The following PCDHGA2 variants were observed in gnomAD, a reference collection of about 807,000 sequenced individuals.
PCDHGA2 encodes protocadherin gamma-A2.
PCDHGA2 carries 40 observed loss-of-function variants against 59.2 expected under a neutral mutation model. The ratio of observed to expected loss-of-function variants is 0.68; its 90% CI spans 0.52 to 0.88. The LOEUF (loss-of-function observed/expected upper bound fraction) is 0.88. Ranked by LOEUF, PCDHGA2 falls within the 40% of genes least tolerant of loss-of-function variation. The pLI, the probability that PCDHGA2 is intolerant of heterozygous loss-of-function variation, is 0.00. For synonymous variants in PCDHGA2, 560 were observed against 526.0 expected (o/e 1.06, Z -0.89); for missense variants, 1,226 against 1,204.0 (o/e 1.02, Z -0.27).
chr5:141,356,812 G>A (rs1236993988), intron 1 of PCDHGA2: 1 of 1,614,068 alleles, frequency 6.2e-7, no homozygotes, highest in Non-Finnish European at 8.5e-7. Context: ...CAGTGACAGT[G>A]GAGACCCTCC....
intron 1 of PCDHGA2, among the ~76,000 whole-genome samples, chr5:141,469,375 G>C (rs942714664): frequency 2.0e-5 from 3 of 152,076 alleles, no homozygotes; most frequent in African/African-American, 7.2e-5. Flanking sequence ...AAGAGATCGA[G>C]ACCATCCTGG....
chr5:141,414,644 A>C lies in PCDHGA2; in HGVS notation c.2424+73249A>C, dbSNP rs1310121141. 6.2e-7 allele frequency: 1 copy of C among 1,613,982 alleles called. No individual in the cohort carries two copies. Among genetic ancestry groups the C allele is most frequent in the Non-Finnish European group, 8.5e-7 (1 of 1,179,894 alleles). ...GACCCGGACAGCAAAGAGAATGCCC[A>C]GATTATTTACTCCCTGGCTGAAGAC... On this transcript the variant is annotated intron_variant, in intron 1 of 3. Transcript: ENST00000394576.
intron 1 of PCDHGA2, among the ~76,000 whole-genome samples, chr5:141,466,534 T>C (rs1343781541): frequency 6.6e-6 from 1 of 152,214 alleles, no homozygotes; most frequent in Non-Finnish European, 1.5e-5. Flanking sequence ...CAAATTGATG[T>C]AGATGGTCTT....
Position 141,490,148 on chromosome 5 carries a change from A to T in PCDHGA2, c.2425-4659A>T. On this transcript the variant is annotated intron_variant, in intron 1 of 3. Transcript: ENST00000394576. This position sits in a 1 kb window ranked among gnomAD's most constrained non-coding sequence, Gnocchi z 5.4. The stretch of plus-strand genomic sequence containing the variant: ...CTAGACCCTAGCAGTGGGGCAATCC[A>T]TGTGTTGGGTCCCATAGACTTTGAG... The T allele has an allele frequency of 6.2e-7, 1 of 1,614,232 alleles. No homozygotes were observed. The highest frequency in any genetic ancestry group is 1.3e-5 in the African/African-American group (1 of 75,068).
chr5:141,431,411 G>A lies in PCDHGA2; in HGVS notation c.2425-63396G>A. On this transcript the variant is annotated intron_variant, in intron 1 of 3. Coordinates refer to ENST00000394576, the MANE Select transcript of PCDHGA2 (RefSeq NM_018915.4). This position sits in a 1 kb window ranked among gnomAD's most constrained non-coding sequence, Gnocchi z 4.8. ...CCTGGTCCTTACGGCCTCCGACGGG[G>A]GCGACCCGGTGCGCACAGGCACCGC... 3 of 1,613,728 alleles carry A rather than the reference G, an allele frequency of 1.9e-6. No individual in the cohort carries two copies. The highest frequency in any genetic ancestry group is 2.5e-6 in the Non-Finnish European group (3 of 1,180,038).
chr5:141,479,733 A>G (rs2099504879), intron 1 of PCDHGA2: 1 of 152,254 alleles, frequency 6.6e-6, no homozygotes, highest in Admixed American at 6.5e-5. Context: ...TTTCTTAAGT[A>G]TATGCACAAT....
At chr5:141,505,559 G>A (rs1215110084) in intron 3 of PCDHGA2, 78 bp downstream of exon 3, 27 of 1,604,592 alleles carry the variant, frequency 1.7e-5, no homozygotes, top group Non-Finnish European at 2.0e-5. Flanking sequence ...CCATGCCCAC[G>A]GACTGGATGT....
intron 2 of PCDHGA2, among the ~76,000 whole-genome samples, chr5:141,499,192 C>T (rs1048812227): frequency 1.1e-4 from 17 of 152,106 alleles, no homozygotes; most frequent in South Asian, 2.1e-4. Flanking sequence ...CCATTTCCCC[C>T]TTCTTAGGCT....
chr5:141,484,716 G>C (rs1375103858), intron 1 of PCDHGA2, among the ~76,000 whole-genome samples: 1 of 152,030 alleles, frequency 6.6e-6, no homozygotes, highest in African/African-American at 2.4e-5. Context: ...CGCCGAAAAG[G>C]GGCGGGGTCA....
chr5:141,441,887 A>G, intron 1 of PCDHGA2: 1 of 344,596 alleles, frequency 2.9e-6, no homozygotes, highest in African/African-American at 2.2e-5. Context: ...CTGGTCACCA[A>G]GGTGGTGGCT....
intron 1 of PCDHGA2, chr5:141,383,917 G>A: frequency 6.2e-7 from 1 of 1,613,928 alleles, no homozygotes; most frequent in Non-Finnish European, 8.5e-7. Flanking sequence ...AGTTTTAGAT[G>A]TAAATGATAA....
At chr5:141,369,327 T>G (rs1766164391) in intron 1 of PCDHGA2, among the ~76,000 whole-genome samples, 1 of 152,160 alleles carries the variant, frequency 6.6e-6, no homozygotes, top group African/African-American at 2.4e-5. Context: ...GAAGAAACAG[T>G]ACATTTCAGG....
At chr5:141,343,927 C>A in intron 1 of PCDHGA2, 1 of 1,040,854 alleles carries the variant, frequency 9.6e-7, no homozygotes, top group Non-Finnish European at 1.4e-6. Context: ...AGCTGTTTGA[C>A]CTGTGAATTA....
rs770808281 is a variant in PCDHGA2, at chr5:141,375,056, C to T, written c.2424+33661C>T. The T allele has an allele frequency of 1.9e-6, 3 of 1,613,848 alleles. No individual in the cohort carries two copies. The East Asian group carries it at 6.7e-5, about 36-fold the overall frequency. On this transcript the variant is annotated intron_variant, in intron 1 of 3. Transcript: ENST00000394576. ...GCTGGGTGTTGAAGCCCGGGATGGG[C>T]CAGGTCTTCGAGACAGAGCGAAAGT...
chr5:141,361,239 G>C (rs555666915), intron 1 of PCDHGA2: 8 of 1,613,958 alleles, frequency 5.0e-6, no homozygotes, highest in Non-Finnish European at 5.1e-6. Flanking sequence ...TGATCGCCTT[G>C]ATAAAAACGA....
intron 1 of PCDHGA2, chr5:141,393,417 A>G (rs2092754726): frequency 6.2e-6 from 10 of 1,614,032 alleles, no homozygotes; most frequent in Non-Finnish European, 8.5e-6. Flanking sequence ...CGCCCTGGAC[A>G]GGGAGGAAGA....
intron 1 of PCDHGA2, chr5:141,390,523 G>C: frequency 1.8e-6 from 1 of 556,304 alleles, no homozygotes; most frequent in Non-Finnish European, 3.1e-6. Context: ...AGCAATGAGG[G>C]TGTGGTTTTA....
At position 141,340,136 on chromosome 5, in the gene PCDHGA2, G is replaced by GA. The variant is rs752785738; in HGVS notation, c.1166dup (p.Asp389GlufsTer5). On this transcript the variant is annotated frameshift_variant, in exon 1 of 4. Coordinates refer to ENST00000394576, the MANE Select transcript of PCDHGA2 (RefSeq NM_018915.4). LOFTEE classifies it high-confidence loss of function. ...ATTCACCACCTGTTCACTCCCCGAGGATCTTCCTTTTAAGTTAGAAAAGTC... is the reference window on the plus strand; with the variant it reads ...ATTCACCACCTGTTCACTCCCCGAGGAATCTTCCTTTTAAGTTAGAAAAGTC... 1 of 1,614,174 alleles carries GA rather than the reference G, an allele frequency of 6.2e-7. No individual in the cohort carries two copies. The highest frequency in any genetic ancestry group is 2.2e-5 in the East Asian group (1 of 44,880).
At chr5:141,434,265 GA>G (rs2097683598) in intron 1 of PCDHGA2, among the ~76,000 whole-genome samples, 1 of 152,186 alleles carries the variant, frequency 6.6e-6, no homozygotes, top group South Asian at 2.1e-4. Context: ...GGGGGAGGTG[GA>G]AATTAGAGGT....
Sources: allele counts gnomAD v4.1 joint callset (sites outside exome capture counted in the v4.1 genomes callset), GRCh38; gene constraint gnomAD v4.1.1; non-coding constraint Gnocchi (gnomAD v3.1); transcripts MANE v1.5; gene names NCBI Gene and HGNC (gene_info 2026-07-23, HGNC 2026-07-21).